Variants in NTNG1 observed in about 807,000 individuals in gnomAD.
NTNG1 encodes netrin G1.
In NTNG1, 16 loss-of-function variants were observed where a neutral mutation model predicts 54.0. The ratio of observed to expected loss-of-function variants is 0.30; its 90% CI spans 0.20 to 0.45. The LOEUF (loss-of-function observed/expected upper bound fraction) is 0.45, where lower values mean the gene tolerates loss of function less well. Among genes scored for constraint, NTNG1 ranks in the 20% least tolerant of loss-of-function variants. The pLI is 1.00. For synonymous variants in NTNG1, 255 were observed against 263.1 expected, an observed-to-expected ratio of 0.97 and a Z score of 0.30; for missense variants, 530 against 678.7, an observed-to-expected ratio of 0.78 and a Z score of 2.43.
intron 4 of NTNG1, among the ~76,000 whole-genome samples, chr1:107,401,202 CG>C (rs2101115021): frequency 6.6e-6 from 1 of 152,116 alleles, no homozygotes; most frequent in African/African-American, 2.4e-5. Flanking sequence ...TATCGGATGG[CG>C]GATTTTCACA....
chr1:107,408,115 C>A, intron 5 of NTNG1: 1 of 322,906 alleles, frequency 3.1e-6, no homozygotes, highest in Non-Finnish European at 6.0e-6. Flanking sequence ...AAATGAAAGC[C>A]AATGAATGCC....
intron 3 of NTNG1, among the ~76,000 whole-genome samples, chr1:107,373,984 G>A (rs1185586583): frequency 6.6e-6 from 1 of 152,116 alleles, no homozygotes; most frequent in Non-Finnish European, 1.5e-5. Context: ...TTACATGCAT[G>A]AGCCACTACA....
intron 6 of NTNG1, among the ~76,000 whole-genome samples, chr1:107,435,177 TA>T (rs1010177687): frequency 1.4e-4 from 20 of 147,632 alleles, no homozygotes; most frequent in South Asian, 4.3e-4. Context: ...CTTTAAACAG[TA>T]AAAAAAAAAA....
At chr1:107,360,324 A>G (rs1670187306) in intron 3 of NTNG1, among the ~76,000 whole-genome samples, 2 of 152,218 alleles carry the variant, frequency 1.3e-5, no homozygotes, top group Admixed American at 1.3e-4. Context: ...GAGAGGTCAG[A>G]ATATCAGAAC....
Position 107,401,841 on chromosome 1 carries a change from A to G in NTNG1, c.1061-5841A>G, listed in dbSNP as rs1444036. On this transcript the variant is annotated intron_variant, in intron 4 of 7. Transcript: ENST00000370068. ...CCAACAGACTGAGATGATCTTGGGC[A>G]AGTTACTCAGCTTCTATGTGTTTGA... 8.9e-3 allele frequency among the ~76,000 whole-genome samples: 1,359 copies of G among 152,234 alleles called. 18 individuals carry two copies. The highest frequency in any genetic ancestry group is 0.027 in the African/African-American group (1,101 of 41,542).
At chr1:107,299,915 T>G (rs1035244793) in intron 2 of NTNG1, among the ~76,000 whole-genome samples, 1 of 152,114 alleles carries the variant, frequency 6.6e-6, no homozygotes, top group African/African-American at 2.4e-5. Context: ...GAAGCAAAAT[T>G]GAAGAAAACA....
intron 2 of NTNG1, among the ~76,000 whole-genome samples, chr1:107,158,829 G>A (rs540218301): frequency 6.6e-6 from 1 of 152,218 alleles, no homozygotes; most frequent in South Asian, 2.1e-4. Flanking sequence ...TTAAAAGACT[G>A]TTCTAGAAAA....
chr1:107,154,931 ATTTT>A (rs997698677), intron 2 of NTNG1, among the ~76,000 whole-genome samples: 1 of 152,082 alleles, frequency 6.6e-6, no homozygotes, highest in African/African-American at 2.4e-5. Flanking sequence ...GAGATGCAAC[ATTTT>A]TAAAGGTGAA....
At chr1:107,407,468 C>A (rs1215598360) in intron 4 of NTNG1, among the ~76,000 whole-genome samples, 1 of 151,682 alleles carries the variant, frequency 6.6e-6, no homozygotes, top group Non-Finnish European at 1.5e-5. Context: ...TAGAATGAAA[C>A]AAAATGGTTT....
intron 7 of NTNG1, among the ~76,000 whole-genome samples, chr1:107,450,675 G>A (rs542009304): frequency 6.6e-6 from 1 of 152,148 alleles, no homozygotes; most frequent in African/African-American, 2.4e-5. Context: ...CTGTAAACGT[G>A]AATTTTAAGT....
In NTNG1 at chr1:107,408,238, T is replaced by C. The variant is rs547815374; in HGVS notation, c.1087+530T>C. ...AGGCCTGAAACAGGCAAATTTGTGATCAGTAGTCTCTCTGGAGAGATAAAG... is the reference window on the plus strand; with the variant it reads ...AGGCCTGAAACAGGCAAATTTGTGACCAGTAGTCTCTCTGGAGAGATAAAG... On this transcript the variant is annotated intron_variant, in intron 5 of 7. Coordinates refer to ENST00000370068, the MANE Select transcript of NTNG1 (RefSeq NM_001113226.3). 42 of 210,418 alleles carry C rather than the reference T, an allele frequency of 2.0e-4. No individual in the cohort carries two copies. In the South Asian group the frequency reaches 3.1e-3, roughly 15 times the overall value. The allele number at this position is 210,418 out of a possible 1,614,324, so 13.0% of individuals were successfully genotyped here.
intron 2 of NTNG1, among the ~76,000 whole-genome samples, chr1:107,304,997 T>G (rs953046605): frequency 6.6e-6 from 1 of 152,226 alleles, no homozygotes; most frequent in Non-Finnish European, 1.5e-5. Context: ...TTTGCTTTTC[T>G]GTTCCTGTGT....
At chr1:107,199,506 G>A (rs1216082614) in intron 2 of NTNG1, among the ~76,000 whole-genome samples, 1 of 151,754 alleles carries the variant, frequency 6.6e-6, no homozygotes, top group Non-Finnish European at 1.5e-5. Context: ...CTACTTTATA[G>A]TAATACTAAG....
chr1:107,215,770 G>A (rs1276489966), intron 2 of NTNG1, among the ~76,000 whole-genome samples: 1 of 151,998 alleles, frequency 6.6e-6, no homozygotes, highest in African/African-American at 2.4e-5. Context: ...CCATCGATAA[G>A]CATGGAATAT....
intron 4 of NTNG1, among the ~76,000 whole-genome samples, chr1:107,402,961 C>T (rs1188094009): frequency 3.3e-5 from 5 of 152,028 alleles, no homozygotes; most frequent in Non-Finnish European, 5.9e-5. Flanking sequence ...GATGAAAAGC[C>T]GCTGAATCTT....
intron 2 of NTNG1, among the ~76,000 whole-genome samples, chr1:107,234,250 G>A (rs958546647): frequency 9.9e-5 from 15 of 152,088 alleles, no homozygotes; most frequent in African/African-American, 3.6e-4. Flanking sequence ...AGTCTCCCGA[G>A]TAGCTGGGAT....
chr1:107,391,080 G>A (rs1197853783), intron 3 of NTNG1, among the ~76,000 whole-genome samples: 3 of 152,174 alleles, frequency 2.0e-5, no homozygotes, highest in East Asian at 3.9e-4. Flanking sequence ...GATCAAAGAG[G>A]TAGGAATAGG....
chr1:107,401,763 G>A (rs935930983), intron 4 of NTNG1, among the ~76,000 whole-genome samples: 8 of 151,466 alleles, frequency 5.3e-5, no homozygotes, highest in African/African-American at 1.2e-4. Context: ...AGTATAGAAC[G>A]GTGGCGATGG....
At chr1:107,218,054 C>T (rs1288485119) in intron 2 of NTNG1, among the ~76,000 whole-genome samples, 2 of 152,124 alleles carry the variant, frequency 1.3e-5, no homozygotes, top group Non-Finnish European at 2.9e-5. Context: ...TGAAGTCCCA[C>T]ACTATTATTG....
Sources: gnomAD v4.1 joint callset for allele counts (sites outside exome capture counted in the v4.1 genomes callset) on GRCh38, gnomAD v4.1.1 for gene constraint, MANE v1.5 for transcripts, NCBI Gene and HGNC (gene_info 2026-07-23, HGNC 2026-07-21) for gene names.